Variants in STOX2 observed in about 807,000 individuals in gnomAD.
The protein encoded by STOX2 is storkhead-box protein 2.
Under a neutral mutation model 60.9 loss-of-function variants are expected in STOX2, and 28 were observed. That is an observed-to-expected ratio of 0.46 (90% CI 0.34 to 0.63). The LOEUF is 0.63. Among genes scored for constraint, STOX2 ranks in the 30% least tolerant of loss-of-function variants. STOX2 has a pLI of 0.01. For missense variants in STOX2, 1,024 were observed against 1,187.7 expected (o/e 0.86, Z 2.03); for synonymous variants, 472 against 463.9 (o/e 1.02, Z -0.22).
At chr4:183,888,826 T>C (rs1051227186) in intron 1 of STOX2, among the ~76,000 whole-genome samples, 2 of 152,080 alleles carry the variant, frequency 1.3e-5, no homozygotes, top group Admixed American at 1.3e-4. Context: ...TGGATGGTGC[T>C]CAAACCCGCA....
intron 3 of STOX2, among the ~76,000 whole-genome samples, chr4:184,012,906 C>T (rs1362675734): frequency 1.3e-5 from 2 of 151,798 alleles, no homozygotes; most frequent in East Asian, 3.9e-4. Flanking sequence ...TTTTCCTGTT[C>T]TACTCTTTTT....
At chr4:183,910,392 C>T (rs1741744435) in intron 1 of STOX2, among the ~76,000 whole-genome samples, 1 of 152,186 alleles carries the variant, frequency 6.6e-6, no homozygotes, top group Non-Finnish European at 1.5e-5. Context: ...AAATGATTTT[C>T]AAGGCCCCAA....
rs1741567157 is a variant in STOX2, at chr4:183,905,490, C to T, written c.-1301C>T. On this transcript the variant is annotated 5_prime_UTR_variant, in exon 1 of 4. Coordinates refer to ENST00000308497, the MANE Select transcript of STOX2 (RefSeq NM_020225.3). ...CGTGTGCGGTTGTGGGGGAGCTCGC[C>T]GTGGCCTCCCCTCCCTCTGGCTTTA... 6.6e-6 allele frequency: 1 copy of T among 152,250 alleles called. No individual in the cohort carries two copies. Among genetic ancestry groups the T allele is most frequent in the African/African-American group, 2.4e-5 (1 of 41,450 alleles). The allele number at this position is 152,250 out of a possible 1,614,324, so 9.4% of individuals were successfully genotyped here.
At chr4:183,875,459 G>GCCTC (rs553838829) in intron 1 of STOX2, among the ~76,000 whole-genome samples, 190 of 152,298 alleles carry the variant, frequency 1.2e-3, no homozygotes, top group African/African-American at 4.2e-3. Context: ...CCCAGGCGAA[G>GCCTC]CCTCCCATTT....
At chr4:183,800,315 CG>C (rs1236333562) in intron 1 of STOX2, among the ~76,000 whole-genome samples, 1 of 151,830 alleles carries the variant, frequency 6.6e-6, no homozygotes, top group African/African-American at 2.4e-5. Context: ...CAAATGCTGG[CG>C]GGGGGCCGGG....
At chr4:183,932,468 T>A in intron 1 of STOX2, among the ~76,000 whole-genome samples, 2 of 136,750 alleles carry the variant, frequency 1.5e-5, no homozygotes, top group South Asian at 4.9e-4. Context: ...ATACAGTATA[T>A]GTATGTATAC....
At chr4:183,803,584 C>G (rs775835519) in intron 1 of STOX2, among the ~76,000 whole-genome samples, 1 of 152,214 alleles carries the variant, frequency 6.6e-6, no homozygotes, top group Non-Finnish European at 1.5e-5. Flanking sequence ...GGGATGTGTT[C>G]TAGGCACTGA....
In STOX2 at chr4:183,856,656, G is replaced by A. The variant is rs1740292705; in HGVS notation, c.364+58601G>A. 1.3e-5 allele frequency among the ~76,000 whole-genome samples: 2 copies of A among 152,126 alleles called. No homozygotes were observed. Among genetic ancestry groups the A allele is most frequent in the African/African-American group, 4.8e-5 (2 of 41,414 alleles). ...ACATCGCTTTGCAGTTAGCTGTCTC[G>A]GACTCGGACCCCGGGGGATGATAGC... On this transcript the variant is annotated intron_variant, in intron 1 of 2. Coordinates refer to the STOX2 transcript ENST00000513034. This position sits in a 1 kb window ranked among gnomAD's most constrained non-coding sequence, Gnocchi z 4.0.
At chr4:183,939,552 T>C (rs1187654856) in intron 1 of STOX2, among the ~76,000 whole-genome samples, 2 of 152,180 alleles carry the variant, frequency 1.3e-5, no homozygotes, top group African/African-American at 2.4e-5. Flanking sequence ...AGGACTTAGA[T>C]GTACGCTTTT....
At position 183,821,313 on chromosome 4, in the gene STOX2, G is replaced by T. The variant is rs955353532; in HGVS notation, c.364+23258G>T. Among the ~76,000 whole-genome samples, 9 of 152,266 alleles carry T rather than the reference G, an allele frequency of 5.9e-5. No individual in the cohort carries two copies. The East Asian group carries it at 1.4e-3, about 23-fold the overall frequency. ...GGTGCTTCACGGAATGCAGATAATG[G>T]CTTTATTTTCCTCCCTGTCTTAATA... On this transcript the variant is annotated intron_variant, in intron 1 of 2. Coordinates refer to the STOX2 transcript ENST00000513034. The surrounding 1 kb of genome is among the most constrained non-coding windows in gnomAD (Gnocchi z 4.2).
chr4:183,911,736 C>T (rs1246088337), intron 1 of STOX2, among the ~76,000 whole-genome samples: 1 of 152,206 alleles, frequency 6.6e-6, no homozygotes, highest in Non-Finnish European at 1.5e-5. Context: ...ATGGTATACT[C>T]TTTGGTACAC....
intron 1 of STOX2, among the ~76,000 whole-genome samples, chr4:183,867,662 G>T (rs1324689358): frequency 6.6e-6 from 1 of 152,174 alleles, no homozygotes; most frequent in East Asian, 1.9e-4. Context: ...ATAAGTCGGG[G>T]TATATTTCCC....
intron 1 of STOX2, among the ~76,000 whole-genome samples, chr4:183,816,423 C>T (rs1288908911): frequency 1.3e-5 from 2 of 152,130 alleles, no homozygotes; most frequent in African/African-American, 2.4e-5. Context: ...CATATGTTCT[C>T]ACTTATAAGC....
chr4:184,012,560 C>T (rs1734211174), intron 3 of STOX2, among the ~76,000 whole-genome samples: 1 of 152,126 alleles, frequency 6.6e-6, no homozygotes, highest in Admixed American at 6.5e-5. Context: ...CCATATTAGG[C>T]CTTTGTGATT....
intron 1 of STOX2, among the ~76,000 whole-genome samples, chr4:183,950,670 G>A (rs1291489577): frequency 1.5e-4 from 3 of 19,528 alleles, no homozygotes; most frequent in Admixed American, 1.4e-3. Flanking sequence ...ATGCAATAGC[G>A]CATGAGGCCG....
At chr4:183,811,639 A>G (rs1271787614) in intron 1 of STOX2, among the ~76,000 whole-genome samples, 1 of 152,262 alleles carries the variant, frequency 6.6e-6, no homozygotes, top group African/African-American at 2.4e-5. Context: ...TTTAGTTTGA[A>G]GAAGTCCATG....
chr4:184,004,198 A>T (rs1367003351), intron 2 of STOX2, among the ~76,000 whole-genome samples: 2 of 152,200 alleles, frequency 1.3e-5, no homozygotes, highest in Admixed American at 6.5e-5. Context: ...TTTGGATCTC[A>T]TATTTAATGT....
chr4:183,940,016 G>T (rs1742709125), intron 1 of STOX2, among the ~76,000 whole-genome samples: 1 of 152,164 alleles, frequency 6.6e-6, no homozygotes, highest in South Asian at 2.1e-4. Flanking sequence ...TGATTCTTCT[G>T]CCTCAGCCTC....
At chr4:183,962,765 C>G (rs1417817007) in intron 1 of STOX2, among the ~76,000 whole-genome samples, 1 of 152,114 alleles carries the variant, frequency 6.6e-6, no homozygotes, top group Non-Finnish European at 1.5e-5. Context: ...TACTGATGGT[C>G]TGTGAAGTTT....
Sources: gnomAD v4.1 joint callset for allele counts (sites outside exome capture counted in the v4.1 genomes callset) on GRCh38, gnomAD v4.1.1 for gene constraint, Gnocchi (gnomAD v3.1) non-coding constraint, MANE v1.5 for transcripts, NCBI Gene and HGNC (gene_info 2026-07-23, HGNC 2026-07-21) for gene names.